MADD: variants seen among roughly 807,000 people sequenced by gnomAD.
The protein encoded by MADD is MAP kinase-activating death domain protein.
In MADD, 109 loss-of-function variants were observed where a neutral mutation model predicts 176.7. That is an observed-to-expected ratio of 0.62 (90% CI 0.53 to 0.72). The LOEUF (loss-of-function observed/expected upper bound fraction) is 0.72, where lower values mean the gene tolerates loss of function less well. Among genes scored for constraint, MADD ranks in the 30% least tolerant of loss-of-function variants. MADD has a pLI of 0.00. For missense variants in MADD, 1,914 were observed against 2,045.5 expected, an observed-to-expected ratio of 0.94 and a Z score of 1.24; for synonymous variants, 771 against 771.3, an observed-to-expected ratio of 1.00 and a Z score of 0.01.
intron 15 of MADD, among the ~76,000 whole-genome samples, chr11:47,287,253 C>T (rs972367471): frequency 3.6e-4 from 55 of 151,904 alleles, no homozygotes; most frequent in Middle Eastern, 3.4e-3. Flanking sequence ...ATCCAGGAGG[C>T]GGAGGTTGCA....
chr11:47,316,889 G>T (rs1040320186), intron 27 of MADD, among the ~76,000 whole-genome samples: 1 of 151,738 alleles, frequency 6.6e-6, no homozygotes, highest in Non-Finnish European at 1.5e-5. Flanking sequence ...GATTACAGTC[G>T]CCCACCACCA....
chr11:47,278,070 T>A (rs934523373), intron 5 of MADD, 95 bp from the exon 6 acceptor site: 4 of 818,122 alleles, frequency 4.9e-6, no homozygotes, highest in Non-Finnish European at 8.5e-6. Flanking sequence ...GAAGAGGGAT[T>A]GTATCTGCAT....
rs572894421 is a variant in MADD at position 47,290,656 on chromosome 11, A to C, written c.3141A>C (p.Pro1047=). ...GTCCAACAGAAAGTGTAAATACCCCAGTTGGCAAGGATCCTGGCCTAGCTG... is the reference window on the plus strand; with the variant it reads ...GTCCAACAGAAAGTGTAAATACCCCCGTTGGCAAGGATCCTGGCCTAGCTG... Residue 1047 remains proline, a synonymous_variant, in exon 19 of 33, where the codon CCA becomes CCC. Coordinates refer to ENST00000402192, the Ensembl canonical transcript of MADD. The C allele has an allele frequency of 1.5e-4, 239 of 1,614,088 alleles. 1 individual carries two copies. In the Admixed American group the frequency reaches 3.8e-3, roughly 25 times the overall value.
intron 21 of MADD, 140 bp from the exon 24 acceptor site, chr11:47,295,757 A>C: frequency 6.6e-7 from 1 of 1,520,202 alleles, no homozygotes; most frequent in Non-Finnish European, 8.8e-7. Flanking sequence ...TTCTCATCTT[A>C]TAAAGAAGGT....
chr11:47,314,355 A>C (rs2141206695), intron 26 of MADD, among the ~76,000 whole-genome samples: 1 of 152,330 alleles, frequency 6.6e-6, no homozygotes, highest in Admixed American at 6.5e-5. Context: ...GATTATAGGA[A>C]TGAGCCACCA....
At position 47,276,059 on chromosome 11, in the gene MADD, C is replaced by T; in HGVS notation, c.820C>T (p.Gln274Ter). 1 of 1,614,228 alleles carries T rather than the reference C, an allele frequency of 6.2e-7. No homozygotes were observed. Among genetic ancestry groups the T allele is most frequent in the Non-Finnish European group, 8.5e-7 (1 of 1,180,044 alleles). The change falls in exon 4 of 33, where the codon CAA (glutamine) becomes TAA (stop). Residue 274 changes from glutamine to a stop codon, truncating the protein, a stop_gained. Transcript: ENST00000402192. LOFTEE classifies it high-confidence loss of function. Reference sequence around the variant, plus strand: ...GCGAGTAGACATCGAGGTCCTACCCCAAGAGCTCCAGCCAGCTCTGACCTT... The same window carrying T: ...GCGAGTAGACATCGAGGTCCTACCCTAAGAGCTCCAGCCAGCTCTGACCTT...
At chr11:47,277,496 C>A (rs1167800962) in intron 5 of MADD, among the ~76,000 whole-genome samples, 2 of 152,096 alleles carry the variant, frequency 1.3e-5, no homozygotes, top group African/African-American at 4.8e-5. Flanking sequence ...GGGGTTTCAC[C>A]ATGTTGGCTG....
exon 16 of MADD, chr11:47,289,484 G>C: frequency 1.2e-6 from 2 of 1,613,964 alleles, no homozygotes. Context: ...GGTCGATCCA[G>C]CAATTCTAGG....
At position 47,298,637 on chromosome 11, in the gene MADD, C is replaced by T. The variant is rs140886081; in HGVS notation, c.3642+2582C>T. 4.3e-3 allele frequency among the ~76,000 whole-genome samples: 651 copies of T among 152,264 alleles called. 4 individuals are homozygous for T. Among genetic ancestry groups the T allele is most frequent in the Admixed American group, 7.9e-3 (121 of 15,290 alleles). ...TTTTCTCCCATTCTGCAGACTGTCT[C>T]TTCACTCATTTCATCGTGTCCTTTG... On this transcript the variant is annotated intron_variant, in intron 22 of 32. Coordinates refer to ENST00000402192, the Ensembl canonical transcript of MADD.
At chr11:47,291,419 T>TC (rs2065173792) in intron 19 of MADD, among the ~76,000 whole-genome samples, 1 of 152,208 alleles carries the variant, frequency 6.6e-6, no homozygotes. Flanking sequence ...TAGTGAGCTT[T>TC]CTAGGCATCA....
At chr11:47,320,514 G>A (rs1214676535) in intron 27 of MADD, among the ~76,000 whole-genome samples, 2 of 152,060 alleles carry the variant, frequency 1.3e-5, no homozygotes, top group African/African-American at 4.8e-5. Flanking sequence ...GGCCAAGCAT[G>A]TTGGCTCACG....
chr11:47,272,390 C>G (rs1965584615), intron 1 of MADD: 1 of 152,120 alleles, frequency 6.6e-6, no homozygotes. Context: ...TACTCATTAC[C>G]TAAACCAAAT....
chr11:47,315,903 C>G (rs1321033255), intron 27 of MADD, among the ~76,000 whole-genome samples: 1 of 149,114 alleles, frequency 6.7e-6, no homozygotes, highest in Non-Finnish European at 1.5e-5. Context: ...GTGATCTTGG[C>G]TCACTGCAGC....
chr11:47,296,962 A>C (rs777670594), intron 22 of MADD, among the ~76,000 whole-genome samples: 3 of 151,496 alleles, frequency 2.0e-5, no homozygotes, highest in Non-Finnish European at 4.4e-5. Context: ...TTTTGTAGAG[A>C]TGGGGTTTCC....
chr11:47,292,593 CAG>C (rs1008123216), intron 19 of MADD: 1 of 1,613,982 alleles, frequency 6.2e-7, no homozygotes, highest in Non-Finnish European at 8.5e-7. Flanking sequence ...TTTGGAAAAA[CAG>C]AGTAAGGAAC....
intron 31 of MADD, chr11:47,328,147 C>T: frequency 9.8e-7 from 1 of 1,015,422 alleles, no homozygotes; most frequent in Non-Finnish European, 1.2e-6. Context: ...ACCTCTTCAT[C>T]CAGCCTCAAG....
chr11:47,291,331 T>C lies in MADD; in HGVS notation c.3301+515T>C, dbSNP rs545403604. On this transcript the variant is annotated intron_variant, in intron 19 of 32. Coordinates refer to ENST00000402192, the Ensembl canonical transcript of MADD. Reference sequence around the variant, plus strand: ...GAGGTATAGGTTTCCAAGTCAGTTCTTTAAATGCTTCTTCACTGGACTTGA... The same window carrying C: ...GAGGTATAGGTTTCCAAGTCAGTTCCTTAAATGCTTCTTCACTGGACTTGA... 2.0e-5 allele frequency among the ~76,000 whole-genome samples: 3 copies of C among 152,232 alleles called. No homozygotes were observed. In the South Asian group the frequency reaches 6.2e-4, roughly 31 times the overall value.
intron 9 of MADD, 43 bp from the exon 10 acceptor site, chr11:47,282,770 T>G: frequency 1.2e-6 from 2 of 1,605,182 alleles, no homozygotes; most frequent in Non-Finnish European, 1.7e-6. Flanking sequence ...CTTGCCTTTT[T>G]TTCCTTGCTG....
intron 26 of MADD, among the ~76,000 whole-genome samples, chr11:47,313,329 C>T (rs1283350474): frequency 2.0e-5 from 3 of 149,936 alleles, no homozygotes; most frequent in East Asian, 1.9e-4. Flanking sequence ...TTTTTGGAGA[C>T]GGAGTCTCGC....
Sources: gnomAD v4.1 joint callset for allele counts (sites outside exome capture counted in the v4.1 genomes callset) on GRCh38, gnomAD v4.1.1 for gene constraint, MANE v1.5 for transcripts, NCBI Gene and HGNC (gene_info 2026-07-23, HGNC 2026-07-21) for gene names.